The following CFAP46 variants were observed in gnomAD, a reference collection of about 807,000 sequenced individuals.
CFAP46 encodes the protein cilia and flagella associated protein 46.
Under a neutral mutation model 325.7 loss-of-function variants are expected in CFAP46, and 245 were observed. The observed-to-expected ratio is 0.75, with a 90% CI of 0.68 to 0.84. The LOEUF (loss-of-function observed/expected upper bound fraction) is 0.84, where lower values mean the gene tolerates loss of function less well. CFAP46 is among the 40% of genes least tolerant of loss of function. CFAP46 has a pLI of 0.00. For synonymous variants in CFAP46, 1,523 were observed against 1,495.9 expected, an observed-to-expected ratio of 1.02 and a Z score of -0.42; for missense variants, 3,346 against 3,543.0, an observed-to-expected ratio of 0.94 and a Z score of 1.41.
intron 28 of CFAP46, among the ~76,000 whole-genome samples, chr10:132,880,355 C>T (rs201212083): frequency 1.3e-5 from 2 of 152,244 alleles, no homozygotes; most frequent in East Asian, 3.9e-4. Flanking sequence ...CAAACACCCA[C>T]TTTCCTGCAC....
intron 50 of CFAP46, among the ~76,000 whole-genome samples, chr10:132,818,550 G>T (rs533370052): frequency 6.6e-6 from 1 of 152,072 alleles, no homozygotes; most frequent in Admixed American, 6.5e-5. Flanking sequence ...CAGAGCAGTC[G>T]GGAAAGAAAG....
chr10:132,895,193 CA>C (rs1195970582), intron 24 of CFAP46, among the ~76,000 whole-genome samples: 3 of 152,138 alleles, frequency 2.0e-5, no homozygotes, highest in Non-Finnish European at 4.4e-5. Flanking sequence ...TCAGCATTAA[CA>C]GAACAAAGGA....
chr10:132,933,575 A>G (rs1453044981), intron 8 of CFAP46, among the ~76,000 whole-genome samples: 1 of 152,198 alleles, frequency 6.6e-6, no homozygotes, highest in East Asian at 1.9e-4. Flanking sequence ...ACCCCTCCCA[A>G]AAACAGACCC....
Position 132,847,535 on chromosome 10 carries a change from C to G in CFAP46, c.5953-214G>C, listed in dbSNP as rs553251856. Among the ~76,000 whole-genome samples, 1 of 151,518 alleles carries G rather than the reference C, an allele frequency of 6.6e-6. No homozygotes were observed. The highest frequency in any genetic ancestry group is 1.5e-5 in the Non-Finnish European group (1 of 67,800). On this transcript the variant is annotated intron_variant, in intron 41 of 57. Coordinates refer to ENST00000368586, the MANE Select transcript of CFAP46 (RefSeq NM_001200049.3). This position sits in a 1 kb window ranked among gnomAD's most constrained non-coding sequence, Gnocchi z 5.2. ...TGACCCGTGAGCCTGGGCAAGGGGACGCTGGAGCCTGGGCGAGGGGATGCT... is the reference window on the plus strand; with the variant it reads ...TGACCCGTGAGCCTGGGCAAGGGGAGGCTGGAGCCTGGGCGAGGGGATGCT...
At position 132,939,099 on chromosome 10, in the gene CFAP46, C is replaced by A. The variant is rs936758512; in HGVS notation, c.372-346G>T. On this transcript the variant is annotated intron_variant, in intron 4 of 57. Coordinates refer to ENST00000368586, the MANE Select transcript of CFAP46 (RefSeq NM_001200049.3). This position sits in a 1 kb window ranked among gnomAD's most constrained non-coding sequence, Gnocchi z 4.6. ...GGCCCCCTCCCATGAAAATACACCA[C>A]TGGGCAAGGCCTCCTCTGACTCTCA... Among the ~76,000 whole-genome samples, 7 of 152,212 alleles carry A rather than the reference C, an allele frequency of 4.6e-5. No homozygotes were observed. The highest frequency in any genetic ancestry group is 1.7e-4 in the African/African-American group (7 of 41,452).
At chr10:132,846,773 A>G (rs970488796) in intron 43 of CFAP46, among the ~76,000 whole-genome samples, 159 bp downstream of exon 43, 5 of 152,220 alleles carry the variant, frequency 3.3e-5, no homozygotes, top group African/African-American at 1.2e-4. Context: ...TCTCTGAGCC[A>G]CAAGTTTACG....
chr10:132,885,743 T>TGGGGAGCACTCATGGGCGGTGG (rs1554881652), intron 26 of CFAP46, 78 bp downstream of exon 26: 1 of 1,245,530 alleles, frequency 8.0e-7, no homozygotes, highest in Non-Finnish European at 1.1e-6. Context: ...ACAGGCGGTG[T>TGGGGAGCACTCATGGGCGGTGG]GGGGAGCACT....
At position 132,889,560 on chromosome 10, in the gene CFAP46, G is replaced by A. The variant is rs569204471; in HGVS notation, c.3304+2773C>T. On this transcript the variant is annotated intron_variant, in intron 25 of 57. Coordinates refer to ENST00000368586, the MANE Select transcript of CFAP46 (RefSeq NM_001200049.3). The surrounding 1 kb of genome is among the most constrained non-coding windows in gnomAD (Gnocchi z 6.0). ...GAACTTGGAAACCACACATAGGGTC[G>A]CAGGGAGTCCTCTTCAATCCTGCCT... Among the ~76,000 whole-genome samples, 30 of 152,296 alleles carry A rather than the reference G, an allele frequency of 2.0e-4. No individual in the cohort carries two copies. Among genetic ancestry groups the A allele is most frequent in the Admixed American group, 5.9e-4 (9 of 15,300 alleles).
intron 17 of CFAP46, 27 bp from the exon 18 acceptor site, chr10:132,913,285 T>G (rs1849583056): frequency 2.0e-6 from 3 of 1,532,702 alleles, no homozygotes; most frequent in African/African-American, 1.4e-5. Flanking sequence ...ACCAAGCCCT[T>G]AATGCAGGGT....
In CFAP46 at chr10:132,860,887, G is replaced by A. The variant is rs889667880; in HGVS notation, c.4986C>T (p.Ile1662=). The change falls in exon 36 of 58, where the codon ATC becomes ATT. Residue 1662 remains isoleucine, a synonymous_variant. Transcript: ENST00000368586. Reference sequence around the variant, plus strand: ...TTCCGCCCAGGTGCTGGGCCTGTGCGATCATTTTCTTGGCTTGTCCATAGT... The same window carrying A: ...TTCCGCCCAGGTGCTGGGCCTGTGCAATCATTTTCTTGGCTTGTCCATAGT... ...EKNYGQAKKM[I]AQAQHLGGSE... The A allele has an allele frequency of 1.3e-5, 20 of 1,550,758 alleles. No homozygotes were observed. Among genetic ancestry groups the A allele is most frequent in the East Asian group, 2.4e-5 (1 of 40,940 alleles).
intron 57 of CFAP46, 118 bp downstream of exon 57, chr10:132,810,291 G>A: frequency 1.2e-6 from 1 of 853,688 alleles, no homozygotes; most frequent in Non-Finnish European, 2.0e-6. Flanking sequence ...GGAGTCCCAG[G>A]TCCCCCACGG....
Position 132,814,844 on chromosome 10 carries a change from C to T in CFAP46, c.7188G>A (p.Lys2396=), listed in dbSNP as rs145084967. ...TCCCCTATCACAGGCCCCCACCCAC[C>T]TTCCTGCCCTTCTTCGCTAGGCTTC... ...KKRSLAKKGR[K]GSIPRTIPPD... is the part of the protein sequence containing the mutation. Residue 2396 remains lysine, a splice_region_variant and synonymous_variant, in exon 51 of 58, where the codon AAG becomes AAA. Transcript: ENST00000368586. The T allele has an allele frequency of 3.8e-4, 619 of 1,614,212 alleles. 8 individuals carry two copies. In the South Asian group the frequency reaches 6.2e-3, roughly 16 times the overall value.
chr10:132,835,356 T>C lies in CFAP46; in HGVS notation c.6692A>G (p.Lys2231Arg). 1.2e-6 allele frequency: 2 copies of C among 1,613,628 alleles called. No individual in the cohort carries two copies. The highest frequency in any genetic ancestry group is 1.7e-6 in the Non-Finnish European group (2 of 1,179,926). ...HLLACAQQFR[K>R]QTQAQVYSED... ...ACTGTACACCTGGGCCTGGGTCTGCTTCCGGAACTGCTGGGCACAGGCCAG... is the reference window on the plus strand; with the variant it reads ...ACTGTACACCTGGGCCTGGGTCTGCCTCCGGAACTGCTGGGCACAGGCCAG... The change falls in exon 47 of 58, where the codon AAG (lysine) becomes AGG (arginine). Residue 2231 changes from lysine (K) to arginine (R), a missense_variant. Coordinates refer to ENST00000368586, the MANE Select transcript of CFAP46 (RefSeq NM_001200049.3).
chr10:132,910,200 T>A, intron 19 of CFAP46, 132 bp from the exon 20 acceptor site: 1 of 834,410 alleles, frequency 1.2e-6, no homozygotes, highest in Non-Finnish European at 1.6e-6. Flanking sequence ...ACACGAGACC[T>A]CAGGCCCACC....
chr10:132,844,988 G>A (rs1848410232), intron 44 of CFAP46, among the ~76,000 whole-genome samples: 2 of 152,172 alleles, frequency 1.3e-5, no homozygotes, highest in South Asian at 4.1e-4. Flanking sequence ...TGAGTAACTA[G>A]GACTACAGGT....
intron 9 of CFAP46, among the ~76,000 whole-genome samples, chr10:132,927,942 G>A (rs905984330): frequency 1.3e-5 from 2 of 152,234 alleles, no homozygotes; most frequent in Non-Finnish European, 2.9e-5. Flanking sequence ...GTGGTCAGGA[G>A]GTAACAGGAG....
intron 22 of CFAP46, among the ~76,000 whole-genome samples, chr10:132,900,904 C>T (rs1266123983): frequency 6.6e-6 from 1 of 152,230 alleles, no homozygotes; most frequent in Non-Finnish European, 1.5e-5. Flanking sequence ...CCATGTTTTA[C>T]TTCCTGTATT....
intron 31 of CFAP46, among the ~76,000 whole-genome samples, chr10:132,874,718 T>A (rs1406937873): frequency 7.1e-6 from 1 of 140,880 alleles, no homozygotes; most frequent in Admixed American, 7.2e-5. Flanking sequence ...TGGAGAAAGA[T>A]ATAAAAGCAT....
intron 3 of CFAP46, among the ~76,000 whole-genome samples, chr10:132,941,328 G>A (rs1850097426): frequency 6.6e-6 from 1 of 152,232 alleles, no homozygotes; most frequent in African/African-American, 2.4e-5. Context: ...GCTCCCCTGT[G>A]CCCACTCGGG....
Sources: allele counts gnomAD v4.1 joint callset (sites outside exome capture counted in the v4.1 genomes callset), GRCh38; gene constraint gnomAD v4.1.1; non-coding constraint Gnocchi (gnomAD v3.1); transcripts MANE v1.5; gene names NCBI Gene and HGNC (gene_info 2026-07-23, HGNC 2026-07-21).